WDR7: variants seen among roughly 807,000 people sequenced by gnomAD.
WDR7 encodes WD repeat domain 7, also known as WD repeat-containing protein 7.
In WDR7, 46 loss-of-function variants were observed where a neutral mutation model predicts 169.4. The ratio of observed to expected loss-of-function variants is 0.27; its 90% CI spans 0.21 to 0.35. The LOEUF is 0.35. WDR7 is among the 10% of genes least tolerant of loss of function. The pLI is 1.00. For missense variants in WDR7, 1,534 were observed against 1,859.3 expected, an observed-to-expected ratio of 0.83 and a Z score of 3.22; for synonymous variants, 612 against 666.8, an observed-to-expected ratio of 0.92 and a Z score of 1.27.
intron 1 of WDR7, among the ~76,000 whole-genome samples, chr18:56,653,212 CT>C (rs796226706): frequency 3.7e-3 from 532 of 143,310 alleles, no homozygotes; most frequent in African/African-American, 4.5e-3. Flanking sequence ...TTTCGTTCTT[CT>C]TTTTTTTTTT....
chr18:56,946,384 G>A (rs1317278738), intron 25 of WDR7, among the ~76,000 whole-genome samples: 2 of 152,192 alleles, frequency 1.3e-5, no homozygotes, highest in Non-Finnish European at 2.9e-5. Context: ...AGACTCAATC[G>A]AGACATTTCT....
chr18:56,774,795 G>T (rs1259700403), intron 16 of WDR7, among the ~76,000 whole-genome samples: 1 of 152,004 alleles, frequency 6.6e-6, no homozygotes, highest in Admixed American at 6.6e-5. Context: ...GTGATGCAGA[G>T]ATTTTTAAAG....
In WDR7 at chr18:56,935,913, G is replaced by T. The variant is rs747765157; in HGVS notation, c.3831+8G>T. 1 of 1,608,532 alleles carries T rather than the reference G, an allele frequency of 6.2e-7. No homozygotes were observed. The highest frequency in any genetic ancestry group is 2.2e-5 in the East Asian group (1 of 44,850). ...ACCACCATAGCCAAAGAGGTGAGCG[G>T]AACTTCTCAGTGTGCTCCATCTTCT... On this transcript the variant is annotated splice_region_variant and intron_variant, in intron 23 of 27. Transcript: ENST00000254442.
intron 19 of WDR7, among the ~76,000 whole-genome samples, chr18:56,795,859 C>T (rs747996127): frequency 1.3e-5 from 2 of 152,170 alleles, no homozygotes; most frequent in Non-Finnish European, 2.9e-5. Flanking sequence ...TAGTTTCTCT[C>T]TGTGGGATCA....
chr18:56,907,524 T>C (rs1408905816), intron 21 of WDR7, among the ~76,000 whole-genome samples: 1 of 152,188 alleles, frequency 6.6e-6, no homozygotes, highest in Non-Finnish European at 1.5e-5. Flanking sequence ...CCTAATAAGA[T>C]TGTACCCTTC....
chr18:57,010,368 T>G, intron 26 of WDR7: 1 of 857,394 alleles, frequency 1.2e-6, no homozygotes, highest in South Asian at 5.4e-5. Context: ...TTATCTAAAT[T>G]ATATTAGTAT....
At chr18:56,760,396 A>T (rs28507552) in intron 16 of WDR7, among the ~76,000 whole-genome samples, 2,092 of 152,270 alleles carry the variant, frequency 0.014, 46 homozygotes, top group African/African-American at 0.048. Flanking sequence ...TCTAAACTCT[A>T]TTGTTTAATT....
chr18:56,704,999 T>A (rs1448342475), intron 12 of WDR7, among the ~76,000 whole-genome samples: 1 of 152,206 alleles, frequency 6.6e-6, no homozygotes, highest in Admixed American at 6.5e-5. Flanking sequence ...ATTTTTTTAA[T>A]TTAATTTTTG....
rs2047089260 is a variant in WDR7, at chr18:56,945,358, C to A, written c.4064+5965C>A. Among the ~76,000 whole-genome samples, 6 of 152,308 alleles carry A rather than the reference C, an allele frequency of 3.9e-5. No homozygotes were observed. The South Asian group carries it at 8.3e-4, about 21-fold the overall frequency. ...AATTCGTGTCCAACTCTATAAAAAT[C>A]TATCCTATGAACAGTGTGACTGCCC... On this transcript the variant is annotated intron_variant, in intron 25 of 27. Coordinates refer to ENST00000254442, the MANE Select transcript of WDR7 (RefSeq NM_015285.3).
chr18:56,724,193 T>C (rs1250134049), intron 13 of WDR7, among the ~76,000 whole-genome samples: 1 of 149,232 alleles, frequency 6.7e-6, no homozygotes, highest in Non-Finnish European at 1.5e-5. Context: ...TGATCATTTT[T>C]TTGACATGCC....
chr18:56,842,392 G>A (rs1311350786), intron 20 of WDR7, among the ~76,000 whole-genome samples: 2 of 152,194 alleles, frequency 1.3e-5, no homozygotes, highest in South Asian at 2.1e-4. Flanking sequence ...GCATTAGTCC[G>A]TTCACTAAGG....
chr18:56,727,341 G>A (rs1385679753), intron 13 of WDR7, among the ~76,000 whole-genome samples: 1 of 149,596 alleles, frequency 6.7e-6, no homozygotes, highest in Non-Finnish European at 1.5e-5. Flanking sequence ...AGTTGGGAAT[G>A]GATTTTTTTT....
intron 14 of WDR7, among the ~76,000 whole-genome samples, chr18:56,744,234 G>A (rs193173225): frequency 0.043 from 4,726 of 109,004 alleles, 269 homozygotes; most frequent in African/African-American, 0.15. Context: ...GCGAGACTCC[G>A]TCTCAAAAAA....
At chr18:56,904,259 G>A (rs376304645) in intron 21 of WDR7, among the ~76,000 whole-genome samples, 14 of 151,644 alleles carry the variant, frequency 9.2e-5, no homozygotes, top group East Asian at 3.9e-4. Flanking sequence ...TAATAGAGAC[G>A]AGGTTTCACC....
chr18:56,800,099 CTG>C (rs1446423021), intron 19 of WDR7, among the ~76,000 whole-genome samples: 3 of 152,092 alleles, frequency 2.0e-5, no homozygotes, highest in African/African-American at 7.2e-5. Context: ...TGTCGTATCT[CTG>C]TGGTCTTCTT....
intron 1 of WDR7, among the ~76,000 whole-genome samples, chr18:56,661,444 G>A (rs1190586538): frequency 6.6e-6 from 1 of 152,144 alleles, no homozygotes; most frequent in African/African-American, 2.4e-5. Flanking sequence ...CTTTTAAAAT[G>A]TGATTTATTT....
At chr18:56,693,031 C>T (rs1415923406) in intron 9 of WDR7, among the ~76,000 whole-genome samples, 1 of 152,050 alleles carries the variant, frequency 6.6e-6, no homozygotes, top group Admixed American at 6.6e-5. Flanking sequence ...TGCCACTGCA[C>T]TCCAGCCTGG....
intron 16 of WDR7, among the ~76,000 whole-genome samples, chr18:56,774,365 T>C (rs2044210663): frequency 6.6e-6 from 1 of 152,138 alleles, no homozygotes; most frequent in Admixed American, 6.6e-5. Context: ...CACACACGTT[T>C]ATTTATCTTC....
chr18:56,826,156 A>C (rs17090373), intron 20 of WDR7, among the ~76,000 whole-genome samples: 2,634 of 152,238 alleles, frequency 0.017, 71 homozygotes, highest in African/African-American at 0.058. Flanking sequence ...TGTAATAATA[A>C]CTCATGGATA....
Sources: gnomAD v4.1 joint callset for allele counts (sites outside exome capture counted in the v4.1 genomes callset) on GRCh38, gnomAD v4.1.1 for gene constraint, MANE v1.5 for transcripts, NCBI Gene and HGNC (gene_info 2026-07-23, HGNC 2026-07-21) for gene names.